AGO1: variants seen among roughly 807,000 people sequenced by gnomAD.
AGO1 encodes protein argonaute-1.
A neutral mutation model predicts 109.2 loss-of-function variants in AGO1; 11 were observed. That is an observed-to-expected ratio of 0.10 (90% confidence interval 0.06 to 0.17). The LOEUF is 0.17. AGO1 is among the 10% of genes least tolerant of loss of function. AGO1 has a pLI of 1.00. For missense variants in AGO1, 574 were observed against 1,140.3 expected (o/e 0.50, Z 7.15); for synonymous variants, 422 against 418.6 (o/e 1.01, Z -0.10).
Position 35,925,921 on chromosome 1 carries a change from A to G in AGO1, c.*6314A>G, listed in dbSNP as rs1645917769. ...ATCGTCAGTGGCAGCCAGTGTGTAC[A>G]TACGTGGACCTAGCATTCCTCTGGA... On this transcript the variant is annotated 3_prime_UTR_variant, in exon 19 of 19. Transcript: ENST00000373204. The G allele has an allele frequency of 1.3e-5, 2 of 152,174 alleles. No individual in the cohort carries two copies. The highest frequency in any genetic ancestry group is 4.1e-4 in the South Asian group (2 of 4,830). 9.4% of individuals were successfully genotyped at this position (152,174 alleles called of 1,614,324 possible).
At chr1:35,911,874 C>CT (rs1645638699) in intron 12 of AGO1, among the ~76,000 whole-genome samples, 1 of 152,160 alleles carries the variant, frequency 6.6e-6, no homozygotes, top group Non-Finnish European at 1.5e-5. Flanking sequence ...CCACTTGCTC[C>CT]TTCTTGAAAC....
intron 1 of AGO1, among the ~76,000 whole-genome samples, chr1:35,874,422 C>T (rs1490025133): frequency 6.6e-6 from 1 of 152,238 alleles, no homozygotes; most frequent in Non-Finnish European, 1.5e-5. Flanking sequence ...AGTGATCCTC[C>T]TGCCTTGGCC....
intron 16 of AGO1, 94 bp from the exon 17 acceptor site, chr1:35,918,228 T>A: frequency 9.9e-7 from 1 of 1,010,632 alleles, no homozygotes; most frequent in Non-Finnish European, 1.6e-6. Context: ...GGCTTTGTTC[T>A]TGGGATTTTG....
At chr1:35,871,273 A>G (rs1422151803) in intron 1 of AGO1, among the ~76,000 whole-genome samples, 1 of 151,930 alleles carries the variant, frequency 6.6e-6, no homozygotes, top group Non-Finnish European at 1.5e-5. Context: ...AGGCTGGGCG[A>G]GGTGGCTCAT....
intron 12 of AGO1, among the ~76,000 whole-genome samples, chr1:35,912,400 T>C (rs1184891790): frequency 6.9e-6 from 1 of 145,174 alleles, no homozygotes; most frequent in African/African-American, 2.5e-5. Context: ...CTTCAACTAC[T>C]ACCTGTACCT....
At chr1:35,911,909 G>A (rs924063604) in intron 12 of AGO1, among the ~76,000 whole-genome samples, 3 of 152,012 alleles carry the variant, frequency 2.0e-5, no homozygotes, top group African/African-American at 4.8e-5. Context: ...CTTGGCACTC[G>A]TGATACAACA....
rs1333104450 is a variant in AGO1, at chr1:35,928,043, G to C, written c.*8436G>C. 2 of 152,220 alleles carry C rather than the reference G, an allele frequency of 1.3e-5. No homozygotes were observed. Among genetic ancestry groups the C allele is most frequent in the Non-Finnish European group, 2.9e-5 (2 of 68,058 alleles). The allele number at this position is 152,220 out of a possible 1,614,324, so 9.4% of individuals were successfully genotyped here. On this transcript the variant is annotated 3_prime_UTR_variant, in exon 19 of 19. Coordinates refer to ENST00000373204, the MANE Select transcript of AGO1 (RefSeq NM_012199.5). ...TTTCTTGTCTAACACAAGAAGCCTAGGAGTAGAAAGTCCTAAGCAGAGTAG... is the reference window on the plus strand; with the variant it reads ...TTTCTTGTCTAACACAAGAAGCCTACGAGTAGAAAGTCCTAAGCAGAGTAG...
At chr1:35,911,847 A>G (rs977071475) in intron 12 of AGO1, among the ~76,000 whole-genome samples, 3 of 152,140 alleles carry the variant, frequency 2.0e-5, no homozygotes, top group African/African-American at 2.4e-5. Flanking sequence ...TCTCTTAGAC[A>G]CATTTCACTT....
At chr1:35,910,534 C>T (rs1438600202) in intron 12 of AGO1, among the ~76,000 whole-genome samples, 1 of 152,110 alleles carries the variant, frequency 6.6e-6, no homozygotes, top group Non-Finnish European at 1.5e-5. Context: ...TCACTACAAC[C>T]TCCTACCAGT....
At chr1:35,907,158 T>C in intron 12 of AGO1, 39 bp downstream of exon 12, 7 of 1,566,600 alleles carry the variant, frequency 4.5e-6, no homozygotes, top group Non-Finnish European at 6.1e-6. Context: ...GTGATAGGAC[T>C]CTTCTCAGCG....
Position 35,871,322 on chromosome 1 carries a change from G to T in AGO1, c.-201+1419G>T, listed in dbSNP as rs1035797988. On this transcript the variant is annotated intron_variant, in intron 1 of 18. Transcript: ENST00000373206. ...GCACTTTGGGAGGCCGAGGTGGGTG[G>T]GTCGCCCGAGATCAGGAGTTCGAGA... is the stretch of plus-strand genomic sequence containing the variant. 4.8e-5 allele frequency among the ~76,000 whole-genome samples: 7 copies of T among 146,354 alleles called. No homozygotes were observed. In the East Asian group the frequency reaches 1.5e-3, roughly 31 times the overall value.
intron 7 of AGO1, among the ~76,000 whole-genome samples, chr1:35,894,811 C>T (rs558477885): frequency 6.6e-6 from 1 of 152,300 alleles, no homozygotes; most frequent in Non-Finnish European, 1.5e-5. Flanking sequence ...TGAGTGTCTA[C>T]TCTGTGTCAG....
intron 12 of AGO1, among the ~76,000 whole-genome samples, chr1:35,908,629 G>T (rs780955736): frequency 4.6e-5 from 7 of 152,122 alleles, no homozygotes; most frequent in Non-Finnish European, 8.8e-5. Flanking sequence ...TCAGTAGTTT[G>T]TCCTCTCTAC....
chr1:35,881,354 C>T (rs988336313), upstream of AGO1, among the ~76,000 whole-genome samples: 3 of 151,988 alleles, frequency 2.0e-5, no homozygotes, highest in Non-Finnish European at 4.4e-5. Flanking sequence ...GAGTTTCACT[C>T]TTGTTGCCCA....
chr1:35,899,331 A>C (rs1323523371), intron 8 of AGO1, among the ~76,000 whole-genome samples: 1 of 152,228 alleles, frequency 6.6e-6, no homozygotes, highest in African/African-American at 2.4e-5. Flanking sequence ...GGTTATTGTG[A>C]ATAATGCTGC....
chr1:35,908,119 T>C (rs1645558465), intron 12 of AGO1, among the ~76,000 whole-genome samples: 1 of 152,176 alleles, frequency 6.6e-6, no homozygotes, highest in Non-Finnish European at 1.5e-5. Flanking sequence ...AAAAAAAACT[T>C]TTTGAATGAG....
rs1243379749 is a variant in AGO1, at chr1:35,929,306, C to T, written c.*9699C>T. The T allele has an allele frequency of 6.6e-6, 1 of 152,210 alleles. No individual in the cohort carries two copies. The highest frequency in any genetic ancestry group is 1.5e-5 in the Non-Finnish European group (1 of 68,036). The allele number at this position is 152,210 out of a possible 1,614,324, so 9.4% of individuals were successfully genotyped here. On this transcript the variant is annotated 3_prime_UTR_variant, in exon 19 of 19. Transcript: ENST00000373204. ...TCTAAAGAGGTGGGTTCCTGGATAG[C>T]AGAAGTAGATAGGAAGGCATCATTG...
chr1:35,882,484 G>T (rs1450476957), upstream of AGO1, among the ~76,000 whole-genome samples: 1 of 152,198 alleles, frequency 6.6e-6, no homozygotes, highest in Non-Finnish European at 1.5e-5. The surrounding 1 kb of genome is among the most constrained non-coding windows in gnomAD (Gnocchi z 5.1). Flanking sequence ...ATGCTGCAGA[G>T]AAATAATTGA....
In AGO1 at chr1:35,925,522, C is replaced by G. The variant is rs1196097951; in HGVS notation, c.*5915C>G. ...AACTCCTAGGAGCAGAAGCTATATT[C>G]TCTTCATTTTTGTCATCTCAGGGTC... On this transcript the variant is annotated 3_prime_UTR_variant, in exon 19 of 19. Coordinates refer to ENST00000373204, the MANE Select transcript of AGO1 (RefSeq NM_012199.5). 1 of 150,522 alleles carries G rather than the reference C, an allele frequency of 6.6e-6. No individual in the cohort carries two copies. The highest frequency in any genetic ancestry group is 2.5e-5 in the African/African-American group (1 of 40,760). 9.3% of individuals were successfully genotyped at this position (150,522 alleles called of 1,614,324 possible). A position where few individuals can be genotyped will look rare whatever the true frequency, so the allele number is the denominator to read the frequency against.
Sources: gnomAD v4.1 joint callset for allele counts (sites outside exome capture counted in the v4.1 genomes callset) on GRCh38, gnomAD v4.1.1 for gene constraint, Gnocchi (gnomAD v3.1) non-coding constraint, MANE v1.5 for transcripts, NCBI Gene and HGNC (gene_info 2026-07-23, HGNC 2026-07-21) for gene names.